MAGI3: variants seen among roughly 807,000 people sequenced by gnomAD.
The protein encoded by MAGI3 is membrane-associated guanylate kinase, WW and PDZ domain-containing protein 3.
In MAGI3, 43 loss-of-function variants were observed where a neutral mutation model predicts 121.8. The observed-to-expected ratio is 0.35, with a 90% CI of 0.28 to 0.46. The LOEUF is 0.46. Ranked by LOEUF, MAGI3 falls within the 20% of genes least tolerant of loss-of-function variation. The pLI, the probability that MAGI3 is intolerant of heterozygous loss-of-function variation, is 1.00. For missense variants in MAGI3, 1,547 were observed against 1,797.3 expected, an observed-to-expected ratio of 0.86 and a Z score of 2.52; for synonymous variants, 553 against 639.3, an observed-to-expected ratio of 0.86 and a Z score of 2.04.
intron 1 of MAGI3, among the ~76,000 whole-genome samples, chr1:113,470,138 T>C (rs1655474111): frequency 6.6e-6 from 1 of 152,170 alleles, no homozygotes; most frequent in Non-Finnish European, 1.5e-5. Context: ...AATTTATCTG[T>C]AGGCATTATC....
At chr1:113,646,787 G>A in intron 12 of MAGI3, 145 bp downstream of exon 12, 1 of 606,998 alleles carries the variant, frequency 1.6e-6, no homozygotes, top group Non-Finnish European at 2.6e-6. Context: ...CTTCTTCCAT[G>A]TATATTCGAC....
intron 6 of MAGI3, among the ~76,000 whole-genome samples, chr1:113,595,616 G>T (rs1358825152): frequency 6.6e-6 from 1 of 152,122 alleles, no homozygotes; most frequent in East Asian, 1.9e-4. Flanking sequence ...ATCAGAAAAT[G>T]GAATTGTTTA....
intron 1 of MAGI3, among the ~76,000 whole-genome samples, chr1:113,483,661 G>A (rs770993350): frequency 1.1e-4 from 17 of 152,136 alleles, no homozygotes; most frequent in African/African-American, 1.7e-4. Flanking sequence ...TAAAAGTACC[G>A]GTGCCTCAAA....
intron 1 of MAGI3, among the ~76,000 whole-genome samples, chr1:113,437,880 CCT>C (rs1557757207): frequency 3.9e-3 from 67 of 16,968 alleles, no homozygotes; most frequent in Non-Finnish European, 4.6e-3. Flanking sequence ...TTCTTCTTCT[CCT>C]TCTCCTTCTC....
chr1:113,449,250 A>C (rs1290248231), intron 1 of MAGI3, among the ~76,000 whole-genome samples: 3 of 152,160 alleles, frequency 2.0e-5, no homozygotes, highest in African/African-American at 7.2e-5. Context: ...GTAATTGATG[A>C]GAATGACGTC....
chr1:113,393,624 T>G (rs773569574), intron 1 of MAGI3, among the ~76,000 whole-genome samples: 4 of 152,220 alleles, frequency 2.6e-5, no homozygotes, highest in Non-Finnish European at 4.4e-5. Context: ...AAACAGACTT[T>G]AAATACTAGA....
At chr1:113,453,733 C>A (rs1050818515) in intron 1 of MAGI3, among the ~76,000 whole-genome samples, 11 of 152,192 alleles carry the variant, frequency 7.2e-5, no homozygotes, top group African/African-American at 2.7e-4. Flanking sequence ...TGCCTGTATT[C>A]TTCTTTAGGG....
chr1:113,541,275 T>A (rs1031637533), intron 1 of MAGI3, among the ~76,000 whole-genome samples: 13 of 152,230 alleles, frequency 8.5e-5, no homozygotes, highest in African/African-American at 3.1e-4. Context: ...GACACTCCCA[T>A]TTTAATGTTT....
At chr1:113,598,688 T>C (rs1277530424) in intron 6 of MAGI3, among the ~76,000 whole-genome samples, 1 of 152,074 alleles carries the variant, frequency 6.6e-6, no homozygotes, top group Non-Finnish European at 1.5e-5. Flanking sequence ...AAACAATTAC[T>C]ATTAGACCTA....
At chr1:113,405,473 TCAAA>T (rs1369957438) in intron 1 of MAGI3, among the ~76,000 whole-genome samples, 2 of 21,898 alleles carry the variant, frequency 9.1e-5, no homozygotes, top group African/African-American at 4.0e-4. Context: ...TGAAACTGTC[TCAAA>T]AAAAAAAAAA....
intron 1 of MAGI3, among the ~76,000 whole-genome samples, chr1:113,437,764 TTTCTTCTTCCTTCTTTC>T (rs1438345252): frequency 6.6e-6 from 1 of 150,490 alleles, no homozygotes. Flanking sequence ...TTCATTTTTC[TTTCTTCTTCCTTCTTTC>T]TTCTTCTTCC....
intron 1 of MAGI3, among the ~76,000 whole-genome samples, chr1:113,406,429 C>T: frequency 7.4e-6 from 1 of 134,698 alleles, no homozygotes. Context: ...GCCTGGATGA[C>T]AGAGCAAGAC....
At chr1:113,416,159 T>G (rs1208804912) in intron 1 of MAGI3, among the ~76,000 whole-genome samples, 8 of 101,502 alleles carry the variant, frequency 7.9e-5, no homozygotes, top group South Asian at 3.7e-4. Context: ...TAATGACACA[T>G]ATTATTATGT....
chr1:113,671,643 C>A, intron 16 of MAGI3, 91 bp from the exon 17 acceptor site: 1 of 1,144,228 alleles, frequency 8.7e-7, no homozygotes, highest in Admixed American at 2.0e-5. Flanking sequence ...ACAGCAATAG[C>A]CATCTGTTAT....
At chr1:113,450,818 T>G in intron 1 of MAGI3, 1 of 728,694 alleles carries the variant, frequency 1.4e-6, no homozygotes, top group East Asian at 2.5e-5. Flanking sequence ...GAGACAGTCC[T>G]CCCAAATGCA....
Position 113,595,576 on chromosome 1 carries a change from A to G in MAGI3, c.1018+1016A>G, listed in dbSNP as rs564735294. Among the ~76,000 whole-genome samples the G allele has an allele frequency of 3.3e-5, 5 of 152,344 alleles. No individual in the cohort carries two copies. In the South Asian group the frequency reaches 8.3e-4, roughly 25 times the overall value. ...ATATATTGTTCAGCATGATTATAAT[A>G]TAATATTAAGAGTTTTCTAGGAAGA... On this transcript the variant is annotated intron_variant, in intron 6 of 20. Transcript: ENST00000307546.
intron 6 of MAGI3, among the ~76,000 whole-genome samples, chr1:113,613,122 C>T (rs1026941125): frequency 6.6e-5 from 10 of 151,960 alleles, no homozygotes; most frequent in Non-Finnish European, 7.4e-5. Context: ...AGTTGTTTGG[C>T]GATAAAATAT....
intron 9 of MAGI3, among the ~76,000 whole-genome samples, chr1:113,633,476 T>C (rs1166761334): frequency 6.6e-6 from 1 of 151,694 alleles, no homozygotes; most frequent in Non-Finnish European, 1.5e-5. Context: ...TTAGCCGGGA[T>C]GGTCTCGATC....
chr1:113,590,380 G>T, intron 4 of MAGI3, 104 bp from the exon 5 acceptor site: 2 of 1,071,072 alleles, frequency 1.9e-6, no homozygotes. Context: ...CAAGAAATTT[G>T]CCATATTTAT....
Sources: allele counts gnomAD v4.1 joint callset (sites outside exome capture counted in the v4.1 genomes callset), GRCh38; gene constraint gnomAD v4.1.1; transcripts MANE v1.5; gene names NCBI Gene and HGNC (gene_info 2026-07-23, HGNC 2026-07-21).